Variants in CSMD1 observed in about 807,000 individuals in gnomAD.
CSMD1 encodes the protein CUB and sushi domain-containing protein 1.
Under a neutral mutation model 417.5 loss-of-function variants are expected in CSMD1, and 213 were observed. The observed-to-expected ratio is 0.51, with a 90% CI of 0.46 to 0.57. The LOEUF (loss-of-function observed/expected upper bound fraction) is 0.57, where lower values mean the gene tolerates loss of function less well. Among genes scored for constraint, CSMD1 ranks in the 20% least tolerant of loss-of-function variants. The probability of loss-of-function intolerance (pLI) is 0.00; values close to 1 mark genes in which losing one functional copy is unlikely to be tolerated. For synonymous variants in CSMD1, 2,862 were observed against 1,736.8 expected (o/e 1.65, Z -16.11); for missense variants, 6,923 against 4,529.7 (o/e 1.53, Z -15.17).
intron 8 of CSMD1, among the ~76,000 whole-genome samples, chr8:3,589,271 A>T (rs1444275761): frequency 6.6e-6 from 1 of 152,140 alleles, no homozygotes; most frequent in Non-Finnish European, 1.5e-5. Flanking sequence ...CAATACGTTG[A>T]AGAGATATCT....
At chr8:4,594,867 G>A (rs1585304326) in intron 2 of CSMD1, among the ~76,000 whole-genome samples, 1 of 152,264 alleles carries the variant, frequency 6.6e-6, no homozygotes, top group Admixed American at 6.5e-5. Context: ...TCTTCATCAT[G>A]CTGAAGAGAA....
intron 1 of CSMD1, among the ~76,000 whole-genome samples, chr8:4,857,671 G>A (rs866998361): frequency 6.6e-6 from 1 of 152,104 alleles, no homozygotes; most frequent in South Asian, 2.1e-4. Context: ...TAGAAGAAAT[G>A]GATAAATTCC....
At chr8:3,354,903 C>CGA (rs1808665402) in intron 21 of CSMD1, among the ~76,000 whole-genome samples, 1 of 142,816 alleles carries the variant, frequency 7.0e-6, no homozygotes, top group African/African-American at 2.9e-5. Context: ...ATCTATAGAT[C>CGA]TATCTATAGA....
chr8:3,207,293 G>A lies in CSMD1; in HGVS notation c.4868-1673C>T, dbSNP rs927311338. On this transcript the variant is annotated intron_variant, in intron 30 of 69. Transcript: ENST00000635120. ...TCCCGAGTAGCTGCAATTACTCGGC[G>A]CCCGCCAACACACCTGGCTGATTTT... Among the ~76,000 whole-genome samples, 5 of 148,978 alleles carry A rather than the reference G, an allele frequency of 3.4e-5. No homozygotes were observed. The East Asian group carries it at 7.9e-4, about 24-fold the overall frequency.
intron 1 of CSMD1, among the ~76,000 whole-genome samples, chr8:4,764,068 C>A (rs945730490): frequency 2.0e-5 from 3 of 152,216 alleles, no homozygotes; most frequent in Non-Finnish European, 4.4e-5. Flanking sequence ...AGACAGCACT[C>A]TGTCTGCATC....
chr8:4,931,881 T>C (rs965523467), intron 1 of CSMD1, among the ~76,000 whole-genome samples: 1 of 152,200 alleles, frequency 6.6e-6, no homozygotes, highest in African/African-American at 2.4e-5. Flanking sequence ...TTATTGATTG[T>C]TATATGGAGA....
intron 2 of CSMD1, among the ~76,000 whole-genome samples, chr8:4,591,457 CA>C (rs1205463669): frequency 1.1e-4 from 16 of 152,148 alleles, no homozygotes; most frequent in Non-Finnish European, 1.6e-4. Context: ...TGAGCAAAAG[CA>C]AATGAGCAGA....
intron 57 of CSMD1, among the ~76,000 whole-genome samples, chr8:2,969,929 G>C (rs900952099): frequency 1.3e-5 from 2 of 152,050 alleles, no homozygotes; most frequent in Admixed American, 1.3e-4. Flanking sequence ...ATATAATGCA[G>C]TTTTAGAAGT....
At chr8:3,517,069 C>T (rs975098817) in intron 10 of CSMD1, among the ~76,000 whole-genome samples, 1 of 152,176 alleles carries the variant, frequency 6.6e-6, no homozygotes, top group Non-Finnish European at 1.5e-5. Flanking sequence ...GAACCGACAG[C>T]TCCAGGGAAG....
At chr8:4,950,732 A>G (rs6987219) in intron 1 of CSMD1, among the ~76,000 whole-genome samples, 85,130 of 151,936 alleles carry the variant, frequency 0.56, 23,939 homozygotes, top group Admixed American at 0.58. Flanking sequence ...AATACCACGC[A>G]CTTTCAAACA....
Position 3,189,667 on chromosome 8 carries a change from T to C in CSMD1, c.5398+245A>G, listed in dbSNP as rs149182198. On this transcript the variant is annotated intron_variant, in intron 34 of 69. Coordinates refer to ENST00000635120, the MANE Select transcript of CSMD1 (RefSeq NM_033225.6). ...TCCACACCCATAACTTTAGAGTTGATGGCCTACTTCATAAATATGGAGAAG... is the reference window on the plus strand; with the variant it reads ...TCCACACCCATAACTTTAGAGTTGACGGCCTACTTCATAAATATGGAGAAG... Among the ~76,000 whole-genome samples, 77 of 151,316 alleles carry C rather than the reference T, an allele frequency of 5.1e-4. 2 individuals are homozygous for C. In the South Asian group the frequency reaches 0.014, roughly 27 times the overall value.
At chr8:3,308,225 T>TTTTCCAATAA in intron 24 of CSMD1, 87 bp downstream of exon 24, 2 of 1,037,630 alleles carry the variant, frequency 1.9e-6, no homozygotes, top group Non-Finnish European at 1.4e-6. Context: ...ATTCCTCCTC[T>TTTTCCAATAA]TTTCCAATAA....
At chr8:3,211,419 T>C (rs1192465633) in intron 30 of CSMD1, among the ~76,000 whole-genome samples, 1 of 152,222 alleles carries the variant, frequency 6.6e-6, no homozygotes, top group Admixed American at 6.5e-5. Context: ...AGATGGTCAG[T>C]ACCTGTAATG....
At chr8:3,647,915 T>G (rs183470838) in intron 7 of CSMD1, among the ~76,000 whole-genome samples, 1 of 152,388 alleles carries the variant, frequency 6.6e-6, no homozygotes, top group South Asian at 2.1e-4. Flanking sequence ...CAAATTACTC[T>G]GTTTGTTTTG....
chr8:3,674,683 G>A (rs572038193), intron 7 of CSMD1, among the ~76,000 whole-genome samples: 18 of 152,024 alleles, frequency 1.2e-4, no homozygotes, highest in Non-Finnish European at 2.2e-4. Context: ...CATATAACCA[G>A]CAGAGGCAGA....
chr8:4,114,890 G>C lies in CSMD1; in HGVS notation c.416-82791C>G, dbSNP rs189766759. Among the ~76,000 whole-genome samples the C allele has an allele frequency of 5.8e-4, 88 of 152,282 alleles. No homozygotes were observed. In the East Asian group the frequency reaches 0.014, roughly 24 times the overall value. On this transcript the variant is annotated intron_variant, in intron 3 of 69. Transcript: ENST00000635120. Reference sequence around the variant, plus strand: ...GATAAAACTTAACAGATGAGGAATTGCTTCTTCCAGATAAGATAGGAAAAT... The same window carrying C: ...GATAAAACTTAACAGATGAGGAATTCCTTCTTCCAGATAAGATAGGAAAAT...
intron 18 of CSMD1, among the ~76,000 whole-genome samples, chr8:3,372,322 G>A (rs1281930113): frequency 6.6e-6 from 1 of 152,116 alleles, no homozygotes; most frequent in African/African-American, 2.4e-5. Context: ...TGTGACTGGG[G>A]GGTCCTTGTA....
intron 5 of CSMD1, among the ~76,000 whole-genome samples, chr8:3,988,903 A>G (rs1814531886): frequency 6.6e-6 from 1 of 152,234 alleles, no homozygotes; most frequent in Non-Finnish European, 1.5e-5. Flanking sequence ...AGTAAGATCA[A>G]TGTTTTAAAA....
chr8:3,625,688 C>G (rs970132763), intron 7 of CSMD1, among the ~76,000 whole-genome samples: 1 of 151,988 alleles, frequency 6.6e-6, no homozygotes, highest in African/African-American at 2.4e-5. Flanking sequence ...AAAAATAAAA[C>G]GATTTGGCAT....
Sources: allele counts gnomAD v4.1 joint callset (sites outside exome capture counted in the v4.1 genomes callset), GRCh38; gene constraint gnomAD v4.1.1; transcripts MANE v1.5; gene names NCBI Gene and HGNC (gene_info 2026-07-23, HGNC 2026-07-21).